Variants in CCDC126 observed in about 807,000 individuals in gnomAD.
CCDC126 encodes the protein coiled-coil domain containing 126.
CCDC126 carries 5 observed loss-of-function variants against 11.7 expected under a neutral mutation model. The observed-to-expected ratio is 0.43, with a 90% CI of 0.22 to 0.90. The LOEUF is 0.90. Among genes scored for constraint, CCDC126 ranks in the 40% least tolerant of loss-of-function variants. CCDC126 has a pLI of 0.27. For synonymous variants in CCDC126, 60 were observed against 61.9 expected, an observed-to-expected ratio of 0.97 and a Z score of 0.14; for missense variants, 150 against 163.1, an observed-to-expected ratio of 0.92 and a Z score of 0.44.
intron 3 of CCDC126, among the ~76,000 whole-genome samples, chr7:23,618,234 GA>G (rs1482850568): frequency 6.6e-6 from 1 of 152,144 alleles, no homozygotes. Context: ...AGGCATGATT[GA>G]ATCATTGCCC....
chr7:23,622,524 C>T (rs931547101), intron 3 of CCDC126: 10 of 508,520 alleles, frequency 2.0e-5, no homozygotes, highest in Non-Finnish European at 3.2e-5. Context: ...GTGCAGTCAA[C>T]GATGGACTGT....
At chr7:23,602,221 T>A (rs978081163) in intron 2 of CCDC126, 6 of 152,036 alleles carry the variant, frequency 3.9e-5, no homozygotes, top group Non-Finnish European at 4.4e-5. Context: ...AGAAAAAAAA[T>A]TTATCCATGT....
intron 3 of CCDC126, among the ~76,000 whole-genome samples, chr7:23,633,361 T>TG (rs1437408633): frequency 7.9e-5 from 12 of 151,784 alleles, no homozygotes; most frequent in Non-Finnish European, 1.8e-4. Context: ...AAGCACTGAG[T>TG]GGGAGAAGGT....
In CCDC126 at chr7:23,643,785, A is replaced by C. The variant is rs544569228; in HGVS notation, c.*670A>C. The C allele has an allele frequency of 6.6e-6, 1 of 152,394 alleles. No homozygotes were observed. The highest frequency in any genetic ancestry group is 2.1e-4 in the South Asian group (1 of 4,824). The allele number at this position is 152,394 out of a possible 1,614,324, so 9.4% of individuals were successfully genotyped here. ...CCACTGTCCATTACCTATCGTAAAC[A>C]TTGGGGCAATTTAATAACAGCATTA... On this transcript the variant is annotated 3_prime_UTR_variant, in exon 4 of 4. Transcript: ENST00000307471.
intron 2 of CCDC126, chr7:23,602,218 A>T (rs1362097413): frequency 6.6e-6 from 1 of 152,204 alleles, no homozygotes; most frequent in Non-Finnish European, 1.5e-5. Flanking sequence ...TTTAGAAAAA[A>T]AATTTATCCA....
At chr7:23,622,249 C>G (rs1782917504) in intron 3 of CCDC126, among the ~76,000 whole-genome samples, 1 of 152,164 alleles carries the variant, frequency 6.6e-6, no homozygotes, top group South Asian at 2.1e-4. Context: ...ATTATTGCCT[C>G]AATTTCAGAG....
At chr7:23,613,339 A>G (rs988969897) in intron 3 of CCDC126, among the ~76,000 whole-genome samples, 14 of 152,028 alleles carry the variant, frequency 9.2e-5, no homozygotes, top group African/African-American at 3.4e-4. Flanking sequence ...ACATGCATGT[A>G]TTTAAATAAT....
rs1783147699 is a variant in CCDC126, at chr7:23,633,303, T to TCCTAGCCTGTAATCCTAGCA, written c.239-9627_239-9626insCTAGCCTGTAATCCTAGCAC. Among the ~76,000 whole-genome samples the TCCTAGCCTGTAATCCTAGCA allele has an allele frequency of 3.3e-5, 5 of 152,086 alleles. 1 individual carries two copies. In the South Asian group the frequency reaches 1.0e-3, roughly 32 times the overall value. ...CACTGTGCCCGGCCCTGCCTTGCAA[T>TCCTAGCCTGTAATCCTAGCA]CTTAAGAAGAGAAGTAATAAAGTAA... On this transcript the variant is annotated intron_variant, in intron 3 of 3. Coordinates refer to ENST00000307471, the MANE Select transcript of CCDC126 (RefSeq NM_138771.4).
intron 3 of CCDC126, among the ~76,000 whole-genome samples, chr7:23,630,933 A>G (rs1783099634): frequency 6.6e-6 from 1 of 152,044 alleles, no homozygotes; most frequent in Non-Finnish European, 1.5e-5. Flanking sequence ...AATGAGTCAA[A>G]GAGGAAATCT....
intron 3 of CCDC126, among the ~76,000 whole-genome samples, chr7:23,626,672 A>T (rs1783021813): frequency 6.6e-6 from 1 of 151,916 alleles, no homozygotes; most frequent in Non-Finnish European, 1.5e-5. Flanking sequence ...CTCCCCACTC[A>T]AGTAGACCCA....
intron 3 of CCDC126, among the ~76,000 whole-genome samples, chr7:23,636,785 C>G (rs1456232577): frequency 7.1e-6 from 1 of 141,700 alleles, no homozygotes; most frequent in African/African-American, 2.7e-5. Context: ...GGGGGTCAGC[C>G]CCCCGCCCGG....
At chr7:23,612,433 C>T (rs1461869919) in intron 3 of CCDC126, among the ~76,000 whole-genome samples, 1 of 125,694 alleles carries the variant, frequency 8.0e-6, no homozygotes, top group South Asian at 2.5e-4. Flanking sequence ...CGAGATTGTG[C>T]CACTGAATTC....
rs1463321688 is a variant in CCDC126 at position 23,629,706 on chromosome 7, A to T, written c.239-13225A>T. Among the ~76,000 whole-genome samples, 3 of 72,990 alleles carry T rather than the reference A, an allele frequency of 4.1e-5. No individual in the cohort carries two copies. In the East Asian group the frequency reaches 9.6e-4, roughly 23 times the overall value. 47.9% of individuals were successfully genotyped at this position (72,990 alleles called of 152,430 possible). A position where few individuals can be genotyped will look rare whatever the true frequency, so the allele number is the denominator to read the frequency against. ...TTAACAAGTTCAGCAAATGGACTCA[A>T]CAACAGAATGGAGGGGACAGGAAAG... On this transcript the variant is annotated intron_variant, in intron 3 of 3. Transcript: ENST00000307471.
chr7:23,617,929 C>T (rs375892063), intron 3 of CCDC126, among the ~76,000 whole-genome samples: 143 of 152,194 alleles, frequency 9.4e-4, no homozygotes, highest in African/African-American at 3.0e-3. Flanking sequence ...TTTTGGTATC[C>T]GTGGTGGGTC....
intron 3 of CCDC126, among the ~76,000 whole-genome samples, chr7:23,616,293 G>GATT (rs1351433797): frequency 6.6e-6 from 1 of 152,110 alleles, no homozygotes; most frequent in Non-Finnish European, 1.5e-5. Context: ...TGCTCTCTAG[G>GATT]ATTGCAGCAG....
chr7:23,598,859 A>T (rs1782478851), intron 2 of CCDC126, among the ~76,000 whole-genome samples: 1 of 152,212 alleles, frequency 6.6e-6, no homozygotes, highest in Non-Finnish European at 1.5e-5. Context: ...ACCTGAGATT[A>T]CTTTGTGGTC....
At chr7:23,620,771 G>A (rs1208362962) in intron 3 of CCDC126, among the ~76,000 whole-genome samples, 4 of 152,110 alleles carry the variant, frequency 2.6e-5, no homozygotes, top group African/African-American at 9.7e-5. Context: ...TGTAAGGAAG[G>A]GATCCAGTTT....
intron 2 of CCDC126, chr7:23,602,056 G>A (rs1156913878): frequency 2.0e-5 from 3 of 152,190 alleles, no homozygotes; most frequent in Admixed American, 6.5e-5. Flanking sequence ...TGGCTAGGGA[G>A]AAACCACTGA....
chr7:23,599,453 G>A (rs1419769111), intron 2 of CCDC126, among the ~76,000 whole-genome samples: 2 of 152,052 alleles, frequency 1.3e-5, no homozygotes, highest in Non-Finnish European at 1.5e-5. Context: ...TGTGATTGAA[G>A]TATCTAGTGC....
Sources: gnomAD v4.1 joint callset for allele counts (sites outside exome capture counted in the v4.1 genomes callset) on GRCh38, gnomAD v4.1.1 for gene constraint, MANE v1.5 for transcripts, NCBI Gene and HGNC (gene_info 2026-07-23, HGNC 2026-07-21) for gene names.